The following NTM variants were observed in gnomAD, a reference collection of about 807,000 sequenced individuals.
NTM encodes neurotrimin.
Under a neutral mutation model 42.1 loss-of-function variants are expected in NTM, and 13 were observed. That is an observed-to-expected ratio of 0.31 (90% CI 0.20 to 0.49). The LOEUF (loss-of-function observed/expected upper bound fraction) is 0.49, where lower values mean the gene tolerates loss of function less well. Among genes scored for constraint, NTM ranks in the 20% least tolerant of loss-of-function variants. The pLI, the probability that NTM is intolerant of heterozygous loss-of-function variation, is 0.99. For missense variants in NTM, 373 were observed against 452.8 expected (o/e 0.82, Z 1.60); for synonymous variants, 187 against 179.2 (o/e 1.04, Z -0.35).
intron 2 of NTM, among the ~76,000 whole-genome samples, chr11:131,913,322 T>C (rs1012477870): frequency 4.0e-5 from 6 of 149,510 alleles, no homozygotes; most frequent in African/African-American, 7.5e-5. Flanking sequence ...ACATTTTAGA[T>C]ATAAATGGGA....
intron 2 of NTM, among the ~76,000 whole-genome samples, chr11:132,137,514 G>A (rs951079268): frequency 6.6e-6 from 1 of 152,130 alleles, no homozygotes; most frequent in Non-Finnish European, 1.5e-5. Context: ...ATTGCACAAC[G>A]AACCTGTAAT....
intron 2 of NTM, among the ~76,000 whole-genome samples, chr11:131,913,056 T>G (rs2055540843): frequency 6.6e-6 from 1 of 152,220 alleles, no homozygotes. Context: ...TCCACTCTTC[T>G]GAGCAAAAAT....
At chr11:131,669,626 C>T (rs1565400493) in intron 1 of NTM, among the ~76,000 whole-genome samples, 2 of 152,086 alleles carry the variant, frequency 1.3e-5, no homozygotes, top group Non-Finnish European at 2.9e-5. Flanking sequence ...CCGAGGCTTC[C>T]GGCTCCAGGC....
At chr11:132,037,705 T>A (rs1386544861) in intron 2 of NTM, among the ~76,000 whole-genome samples, 3 of 152,206 alleles carry the variant, frequency 2.0e-5, no homozygotes, top group African/African-American at 7.2e-5. Context: ...TGTGAGTCAT[T>A]AACACGCTCT....
chr11:132,281,800 TCA>T (rs1235054464), intron 4 of NTM, among the ~76,000 whole-genome samples: 1 of 152,234 alleles, frequency 6.6e-6, no homozygotes, highest in African/African-American at 2.4e-5. Context: ...TTGTGAATTC[TCA>T]CAGTTATGAG....
chr11:132,011,768 A>C lies in NTM; in HGVS notation c.167+100120A>C, dbSNP rs114880203. On this transcript the variant is annotated intron_variant, in intron 2 of 8. Transcript: ENST00000683400. ...TGATTCCAAAATTTAGGTTCTCTCT[A>C]GTACCTCAAGTGGTTTCTACATGTG... Among the ~76,000 whole-genome samples the C allele has an allele frequency of 4.4e-3, 671 of 152,292 alleles. 9 individuals are homozygous for C. The highest frequency in any genetic ancestry group is 0.015 in the African/African-American group (638 of 41,568).
At chr11:131,969,861 G>A (rs189046566) in intron 2 of NTM, among the ~76,000 whole-genome samples, 1 of 152,208 alleles carries the variant, frequency 6.6e-6, no homozygotes, top group Non-Finnish European at 1.5e-5. Flanking sequence ...CTGTCACCGA[G>A]GCTGGAGTGC....
chr11:131,483,050 T>C (rs1265056408), intron 1 of NTM, among the ~76,000 whole-genome samples: 1 of 152,194 alleles, frequency 6.6e-6, no homozygotes, highest in African/African-American at 2.4e-5. Context: ...TGGTATTAGT[T>C]TTAATTGCAT....
chr11:132,164,990 T>TC lies in NTM; in HGVS notation c.400+18481dup, dbSNP rs201756510. 4.9e-3 allele frequency among the ~76,000 whole-genome samples: 746 copies of TC among 152,188 alleles called. 6 individuals carry two copies. The highest frequency in any genetic ancestry group is 0.017 in the African/African-American group (697 of 41,540). ...TCTAGACGGCTGTTTTATTCTCAGCTCCCCCTCCCCTGTTGGCCTACACAT... is the reference window on the plus strand; with the variant it reads ...TCTAGACGGCTGTTTTATTCTCAGCTCCCCCCTCCCCTGTTGGCCTACACAT... On this transcript the variant is annotated intron_variant, in intron 3 of 8. Coordinates refer to ENST00000683400, the MANE Select transcript of NTM (RefSeq NM_001352005.2).
chr11:132,042,242 A>T (rs187186765), intron 2 of NTM, among the ~76,000 whole-genome samples: 2 of 152,310 alleles, frequency 1.3e-5, no homozygotes, highest in African/African-American at 4.8e-5. Flanking sequence ...GCCAAATAGC[A>T]GCCCCTCGTT....
chr11:131,986,457 A>G (rs369214223), intron 2 of NTM, among the ~76,000 whole-genome samples: 3 of 152,234 alleles, frequency 2.0e-5, no homozygotes, highest in Non-Finnish European at 4.4e-5. Context: ...ATACTTGACT[A>G]TCACGTTTGC....
chr11:132,301,856 A>C (rs1466241181), intron 4 of NTM, among the ~76,000 whole-genome samples: 1 of 152,222 alleles, frequency 6.6e-6, no homozygotes, highest in Non-Finnish European at 1.5e-5. Flanking sequence ...GCTGGTATAT[A>C]TGCCATAAAA....
At chr11:131,760,496 G>GT (rs1228220156) in intron 1 of NTM, among the ~76,000 whole-genome samples, 3 of 152,154 alleles carry the variant, frequency 2.0e-5, no homozygotes, top group South Asian at 2.1e-4. Context: ...TGGGTGGGTG[G>GT]TTTTTTATCT....
chr11:132,226,732 G>A (rs1304812105), intron 4 of NTM, among the ~76,000 whole-genome samples: 2 of 152,148 alleles, frequency 1.3e-5, no homozygotes, highest in African/African-American at 2.4e-5. Context: ...AATTGATGAC[G>A]TCATGGACTG....
chr11:132,208,555 G>A (rs571612622), intron 3 of NTM, among the ~76,000 whole-genome samples: 5 of 152,290 alleles, frequency 3.3e-5, no homozygotes, highest in Admixed American at 6.5e-5. Flanking sequence ...CATGAGGTGC[G>A]ATTGTCTCAT....
At chr11:131,676,732 TA>T (rs113064723) in intron 1 of NTM, among the ~76,000 whole-genome samples, 4,856 of 152,278 alleles carry the variant, frequency 0.032, 258 homozygotes, top group African/African-American at 0.11. Flanking sequence ...AAAAATGTAA[TA>T]AAAGTAGTGT....
chr11:132,045,353 C>T (rs769478953), intron 2 of NTM, among the ~76,000 whole-genome samples: 1 of 152,152 alleles, frequency 6.6e-6, no homozygotes, highest in Non-Finnish European at 1.5e-5. Context: ...GGGGGAGAAG[C>T]TGGGAGTAAA....
At chr11:132,258,229 G>A (rs576705980) in intron 4 of NTM, among the ~76,000 whole-genome samples, 1 of 152,324 alleles carries the variant, frequency 6.6e-6, no homozygotes, top group South Asian at 2.1e-4. Flanking sequence ...AGGACTGAGG[G>A]ACACATTTTC....
chr11:131,757,418 C>T (rs2083485048), intron 1 of NTM, among the ~76,000 whole-genome samples: 2 of 152,284 alleles, frequency 1.3e-5, no homozygotes, highest in African/African-American at 4.8e-5. Context: ...CAGGTCACAC[C>T]GTTTTCCCAA....
Sources: gnomAD v4.1 joint callset for allele counts (sites outside exome capture counted in the v4.1 genomes callset) on GRCh38, gnomAD v4.1.1 for gene constraint, MANE v1.5 for transcripts, NCBI Gene and HGNC (gene_info 2026-07-23, HGNC 2026-07-21) for gene names.